Variants in PCDHA1 observed in about 807,000 individuals in gnomAD.
The protein encoded by PCDHA1 is protocadherin alpha-1.
In PCDHA1, 42 loss-of-function variants were observed where a neutral mutation model predicts 61.3. That is an observed-to-expected ratio of 0.69 (90% confidence interval 0.54 to 0.89). The LOEUF is 0.89. PCDHA1 is among the 40% of genes least tolerant of loss of function. PCDHA1 has a pLI of 0.00. For synonymous variants in PCDHA1, 610 were observed against 553.8 expected (o/e 1.10, Z -1.43); for missense variants, 1,256 against 1,235.3 (o/e 1.02, Z -0.25).
intron 1 of PCDHA1, chr5:140,883,733 C>G (rs1554179634): frequency 3.1e-6 from 5 of 1,613,458 alleles, no homozygotes; most frequent in African/African-American, 1.3e-5. Flanking sequence ...GGAGAACGCG[C>G]TGGTCTCCTA....
chr5:140,787,149 C>G lies in PCDHA1; in HGVS notation c.859C>G (p.Arg287Gly). The change falls in exon 1 of 4, where the codon CGT becomes GGT. Residue 287 changes from arginine (R) to glycine (G), a missense_variant. Transcript: ENST00000504120. ...VVFSFDSGISRDIQEKFKVDS... is the reference protein window; with the variant it reads ...VVFSFDSGISGDIQEKFKVDS... ...CTTTTCCTTTGACAGTGGTATTTCTCGTGACATTCAAGAAAAATTCAAAGT... is the reference window on the plus strand; with the variant it reads ...CTTTTCCTTTGACAGTGGTATTTCTGGTGACATTCAAGAAAAATTCAAAGT... The G allele has an allele frequency of 6.2e-7, 1 of 1,613,746 alleles. No individual in the cohort carries two copies. The highest frequency in any genetic ancestry group is 8.5e-7 in the Non-Finnish European group (1 of 1,179,884).
chr5:140,848,508 A>G, intron 1 of PCDHA1: 1 of 1,589,692 alleles, frequency 6.3e-7, no homozygotes, highest in Non-Finnish European at 8.6e-7. Flanking sequence ...GTTATACTCA[A>G]GTCGAGGAGA....
chr5:140,801,557 G>C, intron 1 of PCDHA1: 6 of 1,614,242 alleles, frequency 3.7e-6, no homozygotes, highest in African/African-American at 1.3e-5. Flanking sequence ...TCCATGTGGA[G>C]GTGGAAGTGA....
At chr5:140,971,209 C>T (rs147218200) in intron 1 of PCDHA1, among the ~76,000 whole-genome samples, 3 of 152,118 alleles carry the variant, frequency 2.0e-5, no homozygotes, top group African/African-American at 7.2e-5. Context: ...ACACTGTTAC[C>T]CTCCCTCTCC....
chr5:140,925,100 A>AGGAG (rs1217709299), intron 1 of PCDHA1, among the ~76,000 whole-genome samples: 12 of 151,586 alleles, frequency 7.9e-5, no homozygotes, highest in Admixed American at 1.3e-4. Context: ...GAAGGAAGGA[A>AGGAG]GGAAGGAGGG....
intron 1 of PCDHA1, chr5:140,862,550 G>C: frequency 2.2e-6 from 1 of 458,462 alleles, no homozygotes. Flanking sequence ...GGAAGTGGCC[G>C]AACAGTGAAC....
At chr5:140,853,171 G>T (rs2150529478) in intron 1 of PCDHA1, 1 of 965,252 alleles carries the variant, frequency 1.0e-6, no homozygotes, top group Non-Finnish European at 1.3e-6. Flanking sequence ...GAGCCACCGC[G>T]CCTGGCCTAA....
intron 1 of PCDHA1, among the ~76,000 whole-genome samples, chr5:140,895,301 C>T (rs2064953096): frequency 6.6e-6 from 1 of 152,000 alleles, no homozygotes; most frequent in Non-Finnish European, 1.5e-5. Flanking sequence ...TCGATTTCCC[C>T]CCTTCCACCC....
intron 1 of PCDHA1, chr5:140,929,247 T>G (rs2085977234): frequency 1.9e-6 from 3 of 1,613,780 alleles, no homozygotes. Flanking sequence ...ATCTTGCCAC[T>G]GGGGTAGGAC....
chr5:140,894,354 TTTC>T (rs1477056787), intron 1 of PCDHA1, among the ~76,000 whole-genome samples: 2 of 152,070 alleles, frequency 1.3e-5, no homozygotes, highest in Admixed American at 1.3e-4. Context: ...TTACTTCAGA[TTTC>T]TTCTTCAATG....
At chr5:140,857,127 A>C in intron 1 of PCDHA1, 1 of 1,598,180 alleles carries the variant, frequency 6.3e-7, no homozygotes, top group Non-Finnish European at 8.6e-7. Flanking sequence ...CCAGTGAAAG[A>C]AGATGCTCAA....
intron 1 of PCDHA1, among the ~76,000 whole-genome samples, chr5:140,904,620 A>T (rs1419190047): frequency 6.6e-6 from 1 of 151,986 alleles, no homozygotes; most frequent in Non-Finnish European, 1.5e-5. Flanking sequence ...TTTTACTTTT[A>T]GTTCTTTAAG....
chr5:140,808,988 T>TC (rs782041192), intron 1 of PCDHA1: 2 of 1,613,646 alleles, frequency 1.2e-6, no homozygotes, highest in Admixed American at 1.7e-5. Context: ...GGATGCTGAC[T>TC]CGGGCTACAA....
intron 1 of PCDHA1, chr5:140,794,981 G>A: frequency 6.2e-7 from 1 of 1,611,198 alleles, no homozygotes; most frequent in African/African-American, 1.3e-5. Context: ...TCTTCTATCA[G>A]AAGGGGCCGA....
intron 1 of PCDHA1, among the ~76,000 whole-genome samples, chr5:140,855,354 G>T (rs1250277544): frequency 6.7e-6 from 1 of 149,904 alleles, no homozygotes; most frequent in Non-Finnish European, 1.5e-5. Context: ...AAGTCATGTG[G>T]CTAGTGAGTA....
chr5:140,850,259 C>G lies in PCDHA1; in HGVS notation c.2394+61575C>G, dbSNP rs2150476080. The stretch of plus-strand genomic sequence containing the variant: ...TGGTGCTGCGGTCGGTGGGCGCCGG[C>G]GTAGTGGTGGGGAAGGTGCGCGCAG... On this transcript the variant is annotated intron_variant, in intron 1 of 3. Transcript: ENST00000504120. 10 of 1,593,780 alleles carry G rather than the reference C, an allele frequency of 6.3e-6. 1 individual carries two copies. Among genetic ancestry groups the G allele is most frequent in the African/African-American group, 2.7e-5 (2 of 74,102 alleles).
At position 140,927,270 on chromosome 5, in the gene PCDHA1, C is replaced by T. The variant is rs541200655; in HGVS notation, c.2395-51679C>T. 5 of 1,614,150 alleles carry T rather than the reference C, an allele frequency of 3.1e-6. No individual in the cohort carries two copies. The South Asian group carries it at 3.3e-5, about 11-fold the overall frequency. ...ATGACAACTCACCTCTCTTTCCTGCCGGCGACGTGCAGCTGCACATCCCCG... is the reference window on the plus strand; with the variant it reads ...ATGACAACTCACCTCTCTTTCCTGCTGGCGACGTGCAGCTGCACATCCCCG... On this transcript the variant is annotated intron_variant, in intron 1 of 3. Transcript: ENST00000504120.
intron 1 of PCDHA1, chr5:140,841,287 A>G: frequency 3.9e-6 from 6 of 1,554,152 alleles, no homozygotes; most frequent in Non-Finnish European, 5.2e-6. Context: ...CTTTATATTA[A>G]GATAATATTT....
intron 1 of PCDHA1, chr5:140,822,487 G>A: frequency 6.2e-7 from 1 of 1,613,762 alleles, no homozygotes; most frequent in South Asian, 1.1e-5. Context: ...TAATGATAAC[G>A]CCCCAGAATT....
Sources: gnomAD v4.1 joint callset for allele counts (sites outside exome capture counted in the v4.1 genomes callset) on GRCh38, gnomAD v4.1.1 for gene constraint, MANE v1.5 for transcripts, NCBI Gene and HGNC (gene_info 2026-07-23, HGNC 2026-07-21) for gene names.